Variants in DCAF8L2 observed in about 807,000 individuals in gnomAD.
The protein encoded by DCAF8L2 is DDB1 and CUL4 associated factor 8 like 2, also known as DDB1- and CUL4-associated factor 8-like protein 2.
For missense variants in DCAF8L2, 430 were observed against 490.7 expected (o/e 0.88, Z 1.17); for synonymous variants, 200 against 190.9 (o/e 1.05, Z -0.39).
the DCAF8L2 span, among the ~76,000 whole-genome samples, chrX:27,490,485 G>A: frequency 0.023 from 2,467 of 109,245 alleles, 81 homozygotes; most frequent in African/African-American, 0.078. Flanking sequence ...TTTTGGAGAC[G>A]GAGTCTCGCT....
chrX:27,640,836 C>A (rs1294185369), intron 2 of DCAF8L2, among the ~76,000 whole-genome samples: 1 of 111,249 alleles, frequency 9.0e-6, no homozygotes. Context: ...ATTTTATTAT[C>A]ATTTTAATTT....
the DCAF8L2 span, among the ~76,000 whole-genome samples, chrX:27,547,911 C>CTCTCTCT: frequency 8.4e-5 from 8 of 95,239 alleles, no homozygotes; most frequent in African/African-American, 2.0e-4. Context: ...CTCTCTCTCT[C>CTCTCTCT]CTGTTGCCAT....
intron 4 of DCAF8L2, among the ~76,000 whole-genome samples, chrX:27,726,456 T>C (rs1485245991): frequency 1.8e-5 from 2 of 111,244 alleles, no homozygotes; most frequent in Non-Finnish European, 3.8e-5. Context: ...TATTATGTAT[T>C]ATATATACAT....
intron 3 of DCAF8L2, among the ~76,000 whole-genome samples, chrX:27,682,372 G>A (rs887018946): frequency 4.7e-4 from 53 of 111,694 alleles, no homozygotes; most frequent in African/African-American, 1.6e-3. Flanking sequence ...CTGAATGTAG[G>A]AATTTCTTAT....
At chrX:27,543,013 G>A in the DCAF8L2 span, among the ~76,000 whole-genome samples, 2 of 112,017 alleles carry the variant, frequency 1.8e-5, no homozygotes, top group African/African-American at 6.5e-5. Context: ...GTCAATTTTT[G>A]TATTTGTTGC....
Position 27,747,402 on chromosome X carries a change from G to A in DCAF8L2, c.507G>A (p.Gln169=). Residue 169 remains glutamine, a synonymous_variant, in exon 5 of 5, where the codon CAG becomes CAA. Coordinates refer to ENST00000451261, the MANE Select transcript of DCAF8L2 (RefSeq NM_001353450.2). The stretch of plus-strand genomic sequence containing the variant: ...AGCAGTATTCGTTAGAGGAGGATCA[G>A]GCGCTGGAGGAGTGGGTTTCCTCAG... ...NHEQYSLEED[Q]ALEEWVSSET... is the part of the protein sequence containing the mutation. 1 of 1,169,822 alleles carries A rather than the reference G, an allele frequency of 8.5e-7. No homozygotes were observed. The highest frequency in any genetic ancestry group is 1.1e-6 in the Non-Finnish European group (1 of 874,291).
At chrX:27,547,436 T>C in the DCAF8L2 span, among the ~76,000 whole-genome samples, 8 of 111,859 alleles carry the variant, frequency 7.2e-5, no homozygotes, top group African/African-American at 9.8e-5. Context: ...ATTAGTCCAT[T>C]TTCACACTGC....
At chrX:27,608,679 G>T (rs980258858) in intron 1 of DCAF8L2, among the ~76,000 whole-genome samples, 3 of 109,406 alleles carry the variant, frequency 2.7e-5, no homozygotes, top group African/African-American at 1.0e-4. Context: ...ATCTTCTTCA[G>T]TCTTATTATC....
intron 2 of DCAF8L2, among the ~76,000 whole-genome samples, chrX:27,641,596 C>T (rs768258747): frequency 9.2e-6 from 1 of 108,248 alleles, no homozygotes; most frequent in South Asian, 4.1e-4. Context: ...CTCAGCCTCC[C>T]GAATAGCTGG....
chrX:27,729,771 T>A (rs1921080887), intron 4 of DCAF8L2, among the ~76,000 whole-genome samples: 1 of 112,029 alleles, frequency 8.9e-6, no homozygotes, highest in African/African-American at 3.2e-5. Flanking sequence ...TACCTCCTAA[T>A]ACCATCACCT....
At chrX:27,518,350 A>G in the DCAF8L2 span, 12 of 1,040,751 alleles carry the variant, frequency 1.2e-5, no homozygotes, top group African/African-American at 2.0e-4. Context: ...AACTGGCATG[A>G]AGAACATAGA....
intron 4 of DCAF8L2, among the ~76,000 whole-genome samples, chrX:27,725,298 A>G (rs1932033481): frequency 9.0e-6 from 1 of 111,005 alleles, no homozygotes; most frequent in South Asian, 3.7e-4. Flanking sequence ...CTCATTTCCA[A>G]GGACATGCAA....
At chrX:27,641,840 T>A (rs1226612135) in intron 2 of DCAF8L2, among the ~76,000 whole-genome samples, 4 of 110,221 alleles carry the variant, frequency 3.6e-5, no homozygotes, top group African/African-American at 1.3e-4. Context: ...TGGCCACTTT[T>A]AAATTTTTCT....
rs192466075 is a variant in DCAF8L2, at chrX:27,663,468, T to C, written c.-219-14368T>C. Among the ~76,000 whole-genome samples, 186 of 111,642 alleles carry C rather than the reference T, an allele frequency of 1.7e-3. 1 individual carries two copies. Among genetic ancestry groups the C allele is most frequent in the Non-Finnish European group, 2.7e-3 (141 of 53,131 alleles). ...ACTTGAAACTTTTTCATTTTTATTGTATCTGTTGTGGTGATCTGCTATCAG... is the reference window on the plus strand; with the variant it reads ...ACTTGAAACTTTTTCATTTTTATTGCATCTGTTGTGGTGATCTGCTATCAG... On this transcript the variant is annotated intron_variant, in intron 2 of 4. Coordinates refer to ENST00000451261, the MANE Select transcript of DCAF8L2 (RefSeq NM_001353450.2).
At chrX:27,518,494 C>T in the DCAF8L2 span, 16 of 411,626 alleles carry the variant, frequency 3.9e-5, no homozygotes, top group Non-Finnish European at 6.5e-5. Context: ...TAATCCAGCA[C>T]TTTGGGAGGC....
In DCAF8L2 at chrX:27,619,869, TA is replaced by T. The variant is rs201872018; in HGVS notation, c.-341-12002del. Among the ~76,000 whole-genome samples, 806 of 109,613 alleles carry T rather than the reference TA, an allele frequency of 7.4e-3. 2 individuals are homozygous for T. Among genetic ancestry groups the T allele is most frequent in the African/African-American group, 0.025 (746 of 30,158 alleles). ...AAAAGAAAAAGAAATATAGGTAAAG[TA>T]AAAAAAAGACTAAAATATTTGCAAT... On this transcript the variant is annotated intron_variant, in intron 1 of 4. Transcript: ENST00000451261.
At chrX:27,481,585 G>A in the DCAF8L2 span, among the ~76,000 whole-genome samples, 1 of 110,988 alleles carries the variant, frequency 9.0e-6, no homozygotes, top group East Asian at 2.8e-4. Context: ...TAATAAAAAA[G>A]CGATGCTAGT....
At chrX:27,698,225 T>G (rs2147264008) in intron 3 of DCAF8L2, among the ~76,000 whole-genome samples, 1 of 111,744 alleles carries the variant, frequency 8.9e-6, no homozygotes, top group Non-Finnish European at 1.9e-5. Flanking sequence ...AGAAAAGTTT[T>G]GTTTTATTTA....
the DCAF8L2 span, among the ~76,000 whole-genome samples, chrX:27,522,878 T>C: frequency 9.0e-6 from 1 of 111,578 alleles, no homozygotes; most frequent in Non-Finnish European, 1.9e-5. Flanking sequence ...AATGATGAAA[T>C]AGGGAGCAGA....
Sources: gnomAD v4.1 joint callset for allele counts (sites outside exome capture counted in the v4.1 genomes callset) on GRCh38, gnomAD v4.1.1 for gene constraint, MANE v1.5 for transcripts, NCBI Gene and HGNC (gene_info 2026-07-23, HGNC 2026-07-21) for gene names.